The following NRP2 variants were observed in gnomAD, a reference collection of about 807,000 sequenced individuals.
NRP2 encodes the protein neuropilin-2.
Under a neutral mutation model 110.4 loss-of-function variants are expected in NRP2, and 52 were observed. That is an observed-to-expected ratio of 0.47 (90% CI 0.38 to 0.59). The LOEUF is 0.59. Among genes scored for constraint, NRP2 ranks in the 20% least tolerant of loss-of-function variants. The pLI is 0.00. For missense variants in NRP2, 1,049 were observed against 1,203.0 expected, an observed-to-expected ratio of 0.87 and a Z score of 1.89; for synonymous variants, 508 against 468.9, an observed-to-expected ratio of 1.08 and a Z score of -1.08.
intron 15 of NRP2, among the ~76,000 whole-genome samples, chr2:205,785,154 A>G (rs970473777): frequency 6.6e-6 from 1 of 152,240 alleles, no homozygotes; most frequent in Non-Finnish European, 1.5e-5. Context: ...AAAAGGGGCT[A>G]TCTTTCAGAA....
At chr2:205,758,300 GC>G (rs2057765922) in intron 12 of NRP2, among the ~76,000 whole-genome samples, 1 of 152,212 alleles carries the variant, frequency 6.6e-6, no homozygotes, top group African/African-American at 2.4e-5. Flanking sequence ...AGGGCAAGAT[GC>G]TAGCCAGGAG....
chr2:205,738,476 C>A (rs1304768289), intron 7 of NRP2, among the ~76,000 whole-genome samples: 3 of 152,214 alleles, frequency 2.0e-5, no homozygotes, highest in Non-Finnish European at 4.4e-5. Flanking sequence ...TTCTTTGGAT[C>A]CAGTTCCCCA....
At chr2:205,756,672 A>G (rs2057739415) in intron 12 of NRP2, 1 of 152,110 alleles carries the variant, frequency 6.6e-6, no homozygotes, top group African/African-American at 2.4e-5. Flanking sequence ...TGCTTTGGAC[A>G]CTCACATGAG....
At position 205,779,898 on chromosome 2, in the gene NRP2, T is replaced by C. The variant is rs1375553842; in HGVS notation, c.2426-12337T>C. The stretch of plus-strand genomic sequence containing the variant: ...CCTTCTTTTTATTTTTATTACTGCT[T>C]GTTAGGATTTTTATCCAATTTGTGC... On this transcript the variant is annotated intron_variant, in intron 15 of 16. Coordinates refer to ENST00000357785, the MANE Select transcript of NRP2 (RefSeq NM_003872.3). 2.0e-5 allele frequency among the ~76,000 whole-genome samples: 3 copies of C among 152,218 alleles called. No homozygotes were observed. In the East Asian group the frequency reaches 5.8e-4, roughly 29 times the overall value.
intron 2 of NRP2, chr2:205,701,669 G>T (rs2056561111): frequency 6.6e-6 from 1 of 152,144 alleles, no homozygotes; most frequent in East Asian, 1.9e-4. Context: ...CTACATAAAT[G>T]ATTGTATGTG....
chr2:205,781,781 C>T (rs909475078), intron 15 of NRP2, among the ~76,000 whole-genome samples: 4 of 152,042 alleles, frequency 2.6e-5, no homozygotes, highest in African/African-American at 7.2e-5. Context: ...AGGGAGGGGG[C>T]GAGGGGAACA....
chr2:205,727,725 T>C (rs2057153876), intron 6 of NRP2, among the ~76,000 whole-genome samples, 166 bp from the exon 7 acceptor site: 1 of 152,214 alleles, frequency 6.6e-6, no homozygotes, highest in Admixed American at 6.5e-5. Flanking sequence ...TAATGTGAGT[T>C]TAATCGTCCA....
chr2:205,760,334 G>T (rs1007242864), intron 12 of NRP2, among the ~76,000 whole-genome samples: 2 of 152,154 alleles, frequency 1.3e-5, no homozygotes, highest in African/African-American at 2.4e-5. Flanking sequence ...TCTGACTGAT[G>T]TCTACTGCTA....
intron 10 of NRP2, among the ~76,000 whole-genome samples, chr2:205,747,770 T>C (rs573494641): frequency 1.4e-4 from 21 of 152,284 alleles, no homozygotes; most frequent in Admixed American, 5.9e-4. Context: ...TTCAGTGCCA[T>C]GCCCTCCCAG....
At position 205,683,246 on chromosome 2, in the gene NRP2, A is replaced by C. The variant is rs1252861127; in HGVS notation, c.-45A>C. On this transcript the variant is annotated 5_prime_UTR_variant, in exon 1 of 17. Transcript: ENST00000357785. ...GAGAGAAAAACACAAAGATTTAAACAAGAAACCTACGAACCCAGCTCTGGA... is the reference window on the plus strand; with the variant it reads ...GAGAGAAAAACACAAAGATTTAAACCAGAAACCTACGAACCCAGCTCTGGA... The C allele has an allele frequency of 1.4e-6, 2 of 1,390,140 alleles. No individual in the cohort carries two copies. Among genetic ancestry groups the C allele is most frequent in the African/African-American group, 1.4e-5 (1 of 70,606 alleles). 86.1% of individuals were successfully genotyped at this position (1,390,140 alleles called of 1,614,324 possible). A position where few individuals can be genotyped will look rare whatever the true frequency, so the allele number is the denominator to read the frequency against.
intron 1 of NRP2, among the ~76,000 whole-genome samples, chr2:205,695,737 C>T (rs567488185): frequency 1.3e-5 from 2 of 152,292 alleles, no homozygotes; most frequent in East Asian, 3.9e-4. Flanking sequence ...TGTCCTCACA[C>T]CTCTGCCTTC....
At position 205,743,266 on chromosome 2, in the gene NRP2, C is replaced by A. The variant is rs1423045277; in HGVS notation, c.1355C>A (p.Ala452Asp). Residue 452 changes from alanine (A) to aspartate (D), a missense_variant, in exon 9 of 17, where the codon GCC becomes GAC. By Grantham distance (126) the Ala-to-Asp change is moderately radical (BLOSUM62 -2). Transcript: ENST00000357785. ...CTCATTGCAGACTCCCAGATCTCCG[C>A]CTCTTCCACCCAGGAATACCTCTGG... is the stretch of plus-strand genomic sequence containing the variant. ...SGLIADSQIS[A>D]SSTQEYLWSP... is the part of the protein sequence containing the mutation. 2 of 1,614,172 alleles carry A rather than the reference C, an allele frequency of 1.2e-6. No homozygotes were observed. The highest frequency in any genetic ancestry group is 1.7e-6 in the Non-Finnish European group (2 of 1,180,034).
intron 12 of NRP2, chr2:205,762,524 A>G (rs1199198123): frequency 6.6e-6 from 1 of 152,230 alleles, no homozygotes; most frequent in Non-Finnish European, 1.5e-5. Flanking sequence ...GGAGTAAGAA[A>G]GCTCTGTGCA....
At chr2:205,733,984 C>G (rs910761580) in intron 7 of NRP2, among the ~76,000 whole-genome samples, 3 of 152,246 alleles carry the variant, frequency 2.0e-5, no homozygotes, top group South Asian at 4.1e-4. Context: ...TCCCCGCCCC[C>G]CAGAACGCAG....
intron 10 of NRP2, 93 bp from the exon 11 acceptor site, chr2:205,749,632 T>G: frequency 3.0e-6 from 3 of 1,014,706 alleles, no homozygotes; most frequent in South Asian, 2.6e-5. Context: ...TGCATCTTCT[T>G]TCCCTTCTCT....
chr2:205,754,238 G>A (rs1479067979), intron 12 of NRP2, among the ~76,000 whole-genome samples: 2 of 152,124 alleles, frequency 1.3e-5, no homozygotes, highest in Admixed American at 6.5e-5. Flanking sequence ...GAAAATAAAA[G>A]AGGGAAAGGG....
chr2:205,753,374 T>C (rs529058867), intron 12 of NRP2, among the ~76,000 whole-genome samples: 38 of 152,282 alleles, frequency 2.5e-4, no homozygotes, highest in African/African-American at 6.7e-4. Context: ...AAATGGCTCA[T>C]TGGGAGATGA....
intron 3 of NRP2, among the ~76,000 whole-genome samples, chr2:205,718,501 AAG>A (rs764692060): frequency 6.6e-6 from 1 of 152,122 alleles, no homozygotes; most frequent in Non-Finnish European, 1.5e-5. Flanking sequence ...TTGCCTAGTG[AAG>A]AGATTGTAAG....
intron 12 of NRP2, among the ~76,000 whole-genome samples, chr2:205,754,805 G>GT (rs2057706947): frequency 6.6e-6 from 1 of 151,160 alleles, no homozygotes; most frequent in African/African-American, 2.4e-5. Context: ...TCTGTGCATG[G>GT]GTGTGTGTGT....
Sources: allele counts gnomAD v4.1 joint callset (sites outside exome capture counted in the v4.1 genomes callset), GRCh38; gene constraint gnomAD v4.1.1; transcripts MANE v1.5; gene names NCBI Gene and HGNC (gene_info 2026-07-23, HGNC 2026-07-21).